MAP4K3: variants seen among roughly 807,000 people sequenced by gnomAD.
The protein encoded by MAP4K3 is MAPK/ERK kinase kinase kinase 3.
In MAP4K3, 94 loss-of-function variants were observed where a neutral mutation model predicts 143.5. That is an observed-to-expected ratio of 0.65 (90% CI 0.55 to 0.78). The LOEUF is 0.78. Among genes scored for constraint, MAP4K3 ranks in the 30% least tolerant of loss-of-function variants. MAP4K3 has a pLI of 0.00. For missense variants in MAP4K3, 1,077 were observed against 1,068.1 expected (o/e 1.01, Z -0.12); for synonymous variants, 416 against 347.2 (o/e 1.20, Z -2.20).
intron 1 of MAP4K3, among the ~76,000 whole-genome samples, chr2:39,392,041 C>T (rs550155315): frequency 1.3e-5 from 2 of 151,852 alleles, no homozygotes; most frequent in African/African-American, 4.8e-5. Flanking sequence ...ATTAGCTGGG[C>T]ATGGTAGGTA....
At chr2:39,401,461 T>C (rs953429632) in intron 1 of MAP4K3, among the ~76,000 whole-genome samples, 7 of 152,160 alleles carry the variant, frequency 4.6e-5, no homozygotes, top group African/African-American at 1.4e-4. Flanking sequence ...GAAAATTAGC[T>C]GTAGGCTACC....
intron 1 of MAP4K3, among the ~76,000 whole-genome samples, chr2:39,420,941 T>G (rs1450002923): frequency 6.6e-6 from 1 of 152,168 alleles, no homozygotes; most frequent in East Asian, 1.9e-4. Flanking sequence ...CTCCACATCT[T>G]GCTTCACTCA....
At chr2:39,266,867 G>A (rs906499045) in intron 27 of MAP4K3, among the ~76,000 whole-genome samples, 4 of 150,732 alleles carry the variant, frequency 2.7e-5, no homozygotes, top group East Asian at 2.0e-4. Context: ...TGAATGGTAC[G>A]TAACAGGACC....
At chr2:39,324,644 A>G (rs1349225678) in intron 12 of MAP4K3, among the ~76,000 whole-genome samples, 1 of 152,150 alleles carries the variant, frequency 6.6e-6, no homozygotes, top group Non-Finnish European at 1.5e-5. Context: ...TTCAGTCATT[A>G]ATGAAATTTA....
intron 1 of MAP4K3, among the ~76,000 whole-genome samples, chr2:39,393,971 C>T (rs759997938): frequency 7.2e-5 from 11 of 152,160 alleles, no homozygotes; most frequent in South Asian, 2.1e-4. Flanking sequence ...GAAATGAGAA[C>T]GACATACATA....
intron 31 of MAP4K3, among the ~76,000 whole-genome samples, chr2:39,255,507 T>C (rs1439569343): frequency 2.6e-5 from 4 of 152,166 alleles, no homozygotes; most frequent in African/African-American, 2.4e-5. Flanking sequence ...TCCATTTACA[T>C]GTGGGTCTAT....
At chr2:39,270,339 G>A (rs1212307689) in intron 26 of MAP4K3, among the ~76,000 whole-genome samples, 1 of 152,156 alleles carries the variant, frequency 6.6e-6, no homozygotes, top group Non-Finnish European at 1.5e-5. Context: ...ATGATTTTAT[G>A]AAACACAATA....
At position 39,298,018 on chromosome 2, in the gene MAP4K3, T is replaced by G. The variant is rs185897110; in HGVS notation, c.1178+1725A>C. The stretch of plus-strand genomic sequence containing the variant: ...AGGGGCTACATTTTTTTTTTGTACT[T>G]TGCATGTACAGATTTTTAAAATGTA... On this transcript the variant is annotated intron_variant, in intron 16 of 33. Coordinates refer to ENST00000263881, the MANE Select transcript of MAP4K3 (RefSeq NM_003618.4). Among the ~76,000 whole-genome samples the G allele has an allele frequency of 7.2e-5, 11 of 152,224 alleles. No homozygotes were observed. The East Asian group carries it at 1.3e-3, about 19-fold the overall frequency.
At chr2:39,434,869 A>G (rs1014283217) in intron 1 of MAP4K3, among the ~76,000 whole-genome samples, 1 of 152,238 alleles carries the variant, frequency 6.6e-6, no homozygotes, top group African/African-American at 2.4e-5. Flanking sequence ...AGCTAGTATT[A>G]TCATTATTTT....
intron 12 of MAP4K3, among the ~76,000 whole-genome samples, chr2:39,318,538 T>G (rs889604086): frequency 6.6e-6 from 1 of 152,120 alleles, no homozygotes; most frequent in Admixed American, 6.5e-5. Context: ...ACACTAACCA[T>G]AGACACCTGC....
At chr2:39,395,149 A>G (rs1666769325) in intron 1 of MAP4K3, among the ~76,000 whole-genome samples, 1 of 152,224 alleles carries the variant, frequency 6.6e-6, no homozygotes, top group Non-Finnish European at 1.5e-5. Flanking sequence ...GTTCCCACTC[A>G]AGAAATAACA....
At chr2:39,354,258 A>G (rs1244228539) in intron 3 of MAP4K3, among the ~76,000 whole-genome samples, 1 of 152,034 alleles carries the variant, frequency 6.6e-6, no homozygotes, top group African/African-American at 2.4e-5. Flanking sequence ...CCTGGCTAAC[A>G]CTGTGAAACC....
intron 16 of MAP4K3, 141 bp from the exon 17 acceptor site, chr2:39,293,409 C>T (rs886473481): frequency 9.9e-6 from 6 of 603,926 alleles, no homozygotes; most frequent in Non-Finnish European, 8.8e-6. Flanking sequence ...TGCTAGTGAT[C>T]ACCTCTGCAA....
At chr2:39,354,812 C>G (rs1665560508) in intron 3 of MAP4K3, among the ~76,000 whole-genome samples, 1 of 152,196 alleles carries the variant, frequency 6.6e-6, no homozygotes, top group Non-Finnish European at 1.5e-5. Context: ...GCAGAATACC[C>G]TAGTCTTTTC....
At chr2:39,292,900 C>T (rs1000996251) in intron 17 of MAP4K3, 74 bp from the exon 18 acceptor site, 2 of 1,241,586 alleles carry the variant, frequency 1.6e-6, no homozygotes, top group Admixed American at 1.8e-5. Flanking sequence ...TTAGAAAATG[C>T]AGGAAAAGCT....
Position 39,261,899 on chromosome 2 carries a change from G to C in MAP4K3, c.2137-1122C>G, listed in dbSNP as rs965881316. On this transcript the variant is annotated intron_variant, in intron 28 of 33. Transcript: ENST00000263881. ...GATATGAGCTTAGATAGTAAAAAAA[G>C]AGAAAAAAGGAAGAACTTTCTAGGT... Among the ~76,000 whole-genome samples the C allele has an allele frequency of 2.6e-5, 4 of 151,288 alleles. No individual in the cohort carries two copies. The South Asian group carries it at 8.3e-4, about 31-fold the overall frequency.
At chr2:39,382,314 G>A (rs1310023756) in intron 1 of MAP4K3, among the ~76,000 whole-genome samples, 1 of 152,172 alleles carries the variant, frequency 6.6e-6, no homozygotes, top group African/African-American at 2.4e-5. Flanking sequence ...TAAAACATCT[G>A]ACCATCATCT....
chr2:39,337,350 T>C, intron 5 of MAP4K3, among the ~76,000 whole-genome samples, 176 bp downstream of exon 5: 1 of 152,336 alleles, frequency 6.6e-6, no homozygotes. Context: ...TGCTTTAAAG[T>C]ATTTATTTGT....
chr2:39,352,062 C>T (rs1043931756), intron 3 of MAP4K3, among the ~76,000 whole-genome samples: 5 of 152,102 alleles, frequency 3.3e-5, no homozygotes, highest in Admixed American at 6.6e-5. Flanking sequence ...GTTGGCCAGG[C>T]GTGGTGGCTC....
Sources: gnomAD v4.1 joint callset for allele counts (sites outside exome capture counted in the v4.1 genomes callset) on GRCh38, gnomAD v4.1.1 for gene constraint, MANE v1.5 for transcripts, NCBI Gene and HGNC (gene_info 2026-07-23, HGNC 2026-07-21) for gene names.